PLPPR1: variants seen among roughly 807,000 people sequenced by gnomAD.
PLPPR1 encodes the protein phospholipid phosphatase-related protein type 1.
PLPPR1 carries 10 observed loss-of-function variants against 33.1 expected under a neutral mutation model. That is an observed-to-expected ratio of 0.30 (90% confidence interval 0.19 to 0.51). PLPPR1 has a LOEUF of 0.51. Ranked by LOEUF, PLPPR1 falls within the 20% of genes least tolerant of loss-of-function variation. PLPPR1 has a pLI of 0.97. For missense variants in PLPPR1, 304 were observed against 408.1 expected (o/e 0.74, Z 2.20); for synonymous variants, 151 against 151.0 (o/e 1.00, Z 0.00).
chr9:101,317,467 G>A lies in PLPPR1; in HGVS notation c.916G>A (p.Glu306Lys). The change falls in exon 7 of 8, where the codon GAA becomes AAA. Residue 306 changes from glutamate (E) to lysine (K), a missense_variant. By Grantham distance (56) the Glu-to-Lys change is moderately conservative. Transcript: ENST00000374874. Reference sequence around the variant, plus strand: ...ACCCCTAATGGCTTTCCCAAGGATAGAAAGCCCTCTGGAAACCTTAAGTGC... The same window carrying A: ...ACCCCTAATGGCTTTCCCAAGGATAAAAAGCCCTCTGGAAACCTTAAGTGC... The part of the protein sequence containing the change: ...GVPLMAFPRI[E>K]SPLETLSAQN... 1 of 1,614,030 alleles carries A rather than the reference G, an allele frequency of 6.2e-7. No individual in the cohort carries two copies. The highest frequency in any genetic ancestry group is 8.5e-7 in the Non-Finnish European group (1 of 1,179,966).
At chr9:101,281,398 G>C (rs1828301510) in intron 3 of PLPPR1, among the ~76,000 whole-genome samples, 1 of 151,974 alleles carries the variant, frequency 6.6e-6, no homozygotes, top group African/African-American at 2.4e-5. Context: ...CAAAAAAATA[G>C]AAAAGAAATA....
intron 2 of PLPPR1, among the ~76,000 whole-genome samples, chr9:101,224,216 T>C (rs1827012558): frequency 6.6e-6 from 1 of 152,132 alleles, no homozygotes; most frequent in Admixed American, 6.6e-5. Flanking sequence ...CTCTACAAAT[T>C]TGGGTGAAGG....
chr9:101,286,706 T>C (rs1450845499), intron 4 of PLPPR1, among the ~76,000 whole-genome samples: 1 of 152,182 alleles, frequency 6.6e-6, no homozygotes, highest in Non-Finnish European at 1.5e-5. Context: ...GGAAAACAAA[T>C]ACTTTTATTA....
chr9:101,124,638 G>A (rs1311086039), intron 1 of PLPPR1, among the ~76,000 whole-genome samples: 1 of 152,064 alleles, frequency 6.6e-6, no homozygotes, highest in Non-Finnish European at 1.5e-5. Flanking sequence ...AAGGCACAGG[G>A]AAAGCAAATC....
intron 1 of PLPPR1, among the ~76,000 whole-genome samples, chr9:101,167,923 C>CA (rs1331833075): frequency 6.6e-6 from 1 of 152,122 alleles, no homozygotes; most frequent in East Asian, 1.9e-4. Flanking sequence ...GGAGAGGTCT[C>CA]AAAATCAAAG....
At chr9:101,311,558 T>C (rs1286061361) in intron 5 of PLPPR1, among the ~76,000 whole-genome samples, 1 of 152,188 alleles carries the variant, frequency 6.6e-6, no homozygotes, top group Non-Finnish European at 1.5e-5. Context: ...ATATGCAGCA[T>C]AGGTTTTAAG....
At chr9:101,154,072 G>T (rs146184065) in intron 1 of PLPPR1, among the ~76,000 whole-genome samples, 2,720 of 152,196 alleles carry the variant, frequency 0.018, 85 homozygotes, top group African/African-American at 0.063. Context: ...ACTTGATCTT[G>T]GTGGATAAGC....
intron 1 of PLPPR1, among the ~76,000 whole-genome samples, chr9:101,035,617 A>T (rs183058244): frequency 1.3e-4 from 20 of 152,236 alleles, no homozygotes; most frequent in Non-Finnish European, 2.6e-4. Flanking sequence ...TATGTGTTTC[A>T]GTAGTCCCCA....
chr9:101,060,352 A>C (rs567621564), intron 1 of PLPPR1, among the ~76,000 whole-genome samples: 2 of 152,124 alleles, frequency 1.3e-5, no homozygotes, highest in African/African-American at 4.8e-5. Flanking sequence ...CAAAGAACAC[A>C]AAATTTCAGT....
chr9:101,268,115 G>T (rs566175230), intron 2 of PLPPR1, among the ~76,000 whole-genome samples: 30 of 151,980 alleles, frequency 2.0e-4, no homozygotes, highest in Non-Finnish European at 4.4e-4. Flanking sequence ...GGGTAGGGGA[G>T]GGGGGAGAGA....
intron 1 of PLPPR1, among the ~76,000 whole-genome samples, chr9:101,036,716 AAAAAAG>A (rs1830015326): frequency 6.6e-6 from 1 of 151,706 alleles, no homozygotes; most frequent in African/African-American, 2.4e-5. Flanking sequence ...AAAAAAAAAA[AAAAAAG>A]AAGAGGAAGA....
intron 2 of PLPPR1, among the ~76,000 whole-genome samples, chr9:101,241,557 C>T (rs987714067): frequency 3.3e-5 from 5 of 152,124 alleles, no homozygotes; most frequent in Admixed American, 2.0e-4. Context: ...TAGACCTTCA[C>T]ACCCCATTTT....
intron 2 of PLPPR1, among the ~76,000 whole-genome samples, chr9:101,201,719 A>T (rs1336575456): frequency 6.6e-6 from 1 of 152,208 alleles, no homozygotes; most frequent in African/African-American, 2.4e-5. Context: ...CTAGCCTTGT[A>T]TCAGTTCACG....
intron 1 of PLPPR1, among the ~76,000 whole-genome samples, chr9:101,112,646 GAC>G (rs1831070785): frequency 6.6e-6 from 1 of 152,184 alleles, no homozygotes; most frequent in South Asian, 2.1e-4. Context: ...AACTGAGCTT[GAC>G]AGTTTCCGTA....
intron 1 of PLPPR1, among the ~76,000 whole-genome samples, chr9:101,040,154 C>A (rs565279956): frequency 6.6e-6 from 1 of 152,174 alleles, no homozygotes; most frequent in Admixed American, 6.5e-5. Flanking sequence ...TATTTTCATG[C>A]AAATACTTGG....
chr9:101,114,325 A>G (rs1831093719), intron 1 of PLPPR1, among the ~76,000 whole-genome samples: 1 of 152,310 alleles, frequency 6.6e-6, no homozygotes. Flanking sequence ...CACCAAAATC[A>G]CATCCTAGTA....
intron 2 of PLPPR1, among the ~76,000 whole-genome samples, chr9:101,267,252 C>A (rs1329250151): frequency 1.3e-5 from 2 of 152,230 alleles, no homozygotes; most frequent in Non-Finnish European, 2.9e-5. Flanking sequence ...ACAGTAACTT[C>A]ATAGCTTTGA....
chr9:101,032,643 G>A (rs767054425), intron 1 of PLPPR1, among the ~76,000 whole-genome samples: 3 of 151,980 alleles, frequency 2.0e-5, no homozygotes, highest in Non-Finnish European at 4.4e-5. Context: ...ATAAATGAAT[G>A]AGAAATCCAG....
chr9:101,188,415 T>A (rs1826239957), intron 2 of PLPPR1, among the ~76,000 whole-genome samples: 1 of 151,776 alleles, frequency 6.6e-6, no homozygotes, highest in Non-Finnish European at 1.5e-5. Flanking sequence ...TATTCTGTAG[T>A]TTTTTTTCAG....
Sources: allele counts gnomAD v4.1 joint callset (sites outside exome capture counted in the v4.1 genomes callset), GRCh38; gene constraint gnomAD v4.1.1; transcripts MANE v1.5; gene names NCBI Gene and HGNC (gene_info 2026-07-23, HGNC 2026-07-21).